Variants in EPB41 observed in about 807,000 individuals in gnomAD.
EPB41 encodes erythrocyte membrane protein band 4.1, also known as protein 4.1.
Under a neutral mutation model 108.0 loss-of-function variants are expected in EPB41, and 65 were observed. The ratio of observed to expected loss-of-function variants is 0.60; its 90% CI spans 0.49 to 0.74. The LOEUF (loss-of-function observed/expected upper bound fraction) is 0.74. EPB41 is among the 30% of genes least tolerant of loss of function. The probability of loss-of-function intolerance (pLI) is 0.00; values close to 1 mark genes in which losing one functional copy is unlikely to be tolerated. For missense variants in EPB41, 875 were observed against 1,037.0 expected (o/e 0.84, Z 2.15); for synonymous variants, 336 against 358.9 (o/e 0.94, Z 0.72).
intron 1 of EPB41, among the ~76,000 whole-genome samples, chr1:28,938,887 C>A (rs1023938733): frequency 3.9e-5 from 6 of 152,024 alleles, no homozygotes; most frequent in African/African-American, 1.4e-4. Context: ...GTGTGGATTC[C>A]TTAGAATTTT....
At chr1:29,003,434 T>A (rs775099587) in intron 4 of EPB41, among the ~76,000 whole-genome samples, 75 of 152,238 alleles carry the variant, frequency 4.9e-4, no homozygotes, top group Non-Finnish European at 6.8e-4. Flanking sequence ...CTTCTTTAGC[T>A]TTTTACTCCT....
At chr1:28,922,576 G>A (rs971000563) in intron 1 of EPB41, among the ~76,000 whole-genome samples, 1 of 151,398 alleles carries the variant, frequency 6.6e-6, no homozygotes, top group Non-Finnish European at 1.5e-5. Context: ...GGGACTACAG[G>A]TGCATGCCAC....
chr1:28,929,516 C>T (rs1472721743), intron 1 of EPB41, among the ~76,000 whole-genome samples: 1 of 151,430 alleles, frequency 6.6e-6, no homozygotes, highest in East Asian at 2.0e-4. Context: ...AGGCGTGAGC[C>T]ACTGCGCCCG....
intron 16 of EPB41, among the ~76,000 whole-genome samples, chr1:29,067,442 G>A (rs6680335): frequency 0.024 from 3,523 of 146,596 alleles, 128 homozygotes; most frequent in African/African-American, 0.086. Context: ...CTTGCAGTGA[G>A]CCGAGATCGC....
At position 29,117,685 on chromosome 1, in the gene EPB41, T is replaced by C. The variant is rs1278170101; in HGVS notation, c.*873T>C. On this transcript the variant is annotated 3_prime_UTR_variant, in exon 21 of 21. Coordinates refer to ENST00000343067, the MANE Select transcript of EPB41 (RefSeq NM_001376013.1). ...AGCTCTAATGGAACATTTTTAGTGGTGATTTGGGGAAGGAAAGTTAATGAG... is the reference window on the plus strand; with the variant it reads ...AGCTCTAATGGAACATTTTTAGTGGCGATTTGGGGAAGGAAAGTTAATGAG... The C allele has an allele frequency of 6.6e-6, 1 of 152,626 alleles. No homozygotes were observed. Among genetic ancestry groups the C allele is most frequent in the Admixed American group, 6.5e-5 (1 of 15,284 alleles). 9.5% of individuals were successfully genotyped at this position (152,626 alleles called of 1,614,324 possible). A position where few individuals can be genotyped will look rare whatever the true frequency, so the allele number is the denominator to read the frequency against.
intron 1 of EPB41, among the ~76,000 whole-genome samples, chr1:28,973,745 G>A (rs1225093030): frequency 6.6e-6 from 1 of 152,050 alleles, no homozygotes; most frequent in Non-Finnish European, 1.5e-5. Flanking sequence ...GCATTGGTAA[G>A]GACCTGAGAA....
intron 1 of EPB41, among the ~76,000 whole-genome samples, chr1:28,948,505 C>CAAAAA (rs34508731): frequency 2.5e-4 from 23 of 90,864 alleles, no homozygotes; most frequent in Non-Finnish European, 3.8e-4. Flanking sequence ...GACTCCGTAT[C>CAAAAA]AAAAAAAAAA....
At position 29,053,216 on chromosome 1, in the gene EPB41, G is replaced by C; in HGVS notation, c.1749G>C (p.Val583=). Residue 583 remains valine (V), a synonymous_variant, in exon 12 of 21, where the codon GTG becomes GTC. Transcript: ENST00000343067. ...TAGATGCCTCTGCTAAAAAAACAGT[G>C]GTCCCTAAAGCACAGAAGGAAACAG... ...GVLDASAKKT[V]VPKAQKETVK... is the part of the protein sequence containing the mutation. 1 of 1,614,128 alleles carries C rather than the reference G, an allele frequency of 6.2e-7. No homozygotes were observed. The highest frequency in any genetic ancestry group is 1.6e-4 in the Middle Eastern group (1 of 6,062).
At chr1:28,988,441 C>T (rs1479188314) in intron 2 of EPB41, among the ~76,000 whole-genome samples, 1 of 151,426 alleles carries the variant, frequency 6.6e-6, no homozygotes, top group African/African-American at 2.4e-5. Context: ...CCCACTGCAA[C>T]CTCCCCGTCC....
At position 29,020,454 on chromosome 1, in the gene EPB41, CAAAAT is replaced by C. The variant is rs530797861; in HGVS notation, c.1124+2015_1124+2019del. Among the ~76,000 whole-genome samples the C allele has an allele frequency of 4.3e-3, 652 of 151,944 alleles. 4 individuals are homozygous for C. The highest frequency in any genetic ancestry group is 0.015 in the African/African-American group (627 of 41,456). ...TAGAAAAGCAAGTACTGGAAAGAAA[CAAAAT>C]AATTTGATTAATTAGAATGTCAATA... is the stretch of plus-strand genomic sequence containing the variant. On this transcript the variant is annotated intron_variant, in intron 7 of 20. Coordinates refer to ENST00000343067, the MANE Select transcript of EPB41 (RefSeq NM_001376013.1).
chr1:29,046,112 T>A lies in EPB41; in HGVS notation c.1636+6686T>A, dbSNP rs559803015. Among the ~76,000 whole-genome samples, 388 of 151,352 alleles carry A rather than the reference T, an allele frequency of 2.6e-3. 2 individuals carry two copies. The highest frequency in any genetic ancestry group is 7.5e-3 in the African/African-American group (307 of 41,060). ...ATACTCAGTAATCTTACTAAAAAAA[T>A]TTTTTTTTAATTTAATTTTATTTTT... is the stretch of plus-strand genomic sequence containing the variant. On this transcript the variant is annotated intron_variant, in intron 11 of 20. Coordinates refer to ENST00000343067, the MANE Select transcript of EPB41 (RefSeq NM_001376013.1).
chr1:28,929,132 C>T (rs899829004), intron 1 of EPB41, among the ~76,000 whole-genome samples: 1 of 152,128 alleles, frequency 6.6e-6, no homozygotes, highest in Non-Finnish European at 1.5e-5. Flanking sequence ...TGAATGGGAA[C>T]TAATTATTAT....
intron 7 of EPB41, among the ~76,000 whole-genome samples, chr1:29,030,050 G>A (rs1042246043): frequency 3.9e-5 from 6 of 152,158 alleles, no homozygotes; most frequent in African/African-American, 1.4e-4. Context: ...AAATTAGCGG[G>A]AGGAGCTTAT....
At chr1:29,052,110 A>G (rs902150236) in intron 11 of EPB41, among the ~76,000 whole-genome samples, 3 of 152,236 alleles carry the variant, frequency 2.0e-5, no homozygotes, top group Admixed American at 2.0e-4. Flanking sequence ...TAAAACTTAG[A>G]TACCAAATAT....
chr1:29,057,463 A>C (rs1280756545), intron 12 of EPB41, among the ~76,000 whole-genome samples: 2 of 151,806 alleles, frequency 1.3e-5, no homozygotes, highest in African/African-American at 4.8e-5. Context: ...GGGTGTGCTT[A>C]ACTTAACACT....
At chr1:29,090,725 G>A (rs1213781702) in intron 16 of EPB41, among the ~76,000 whole-genome samples, 1 of 152,140 alleles carries the variant, frequency 6.6e-6, no homozygotes, top group Non-Finnish European at 1.5e-5. Flanking sequence ...ACTCCAACCT[G>A]GTCAACAAGA....
chr1:28,949,902 C>G (rs1445337517), intron 1 of EPB41, among the ~76,000 whole-genome samples: 2 of 152,036 alleles, frequency 1.3e-5, no homozygotes, highest in Non-Finnish European at 2.9e-5. Flanking sequence ...GTGCCTGGCC[C>G]CACTCTGTTA....
chr1:28,889,718 G>T, intron 1 of EPB41: 2 of 685,392 alleles, frequency 2.9e-6, no homozygotes, highest in South Asian at 1.3e-4. Flanking sequence ...GGGGTGGTGG[G>T]AGTGAGGAGG....
intron 1 of EPB41, among the ~76,000 whole-genome samples, chr1:28,915,589 A>G (rs972954906): frequency 3.3e-5 from 5 of 152,194 alleles, no homozygotes; most frequent in African/African-American, 1.2e-4. Context: ...TTCTGGCCAC[A>G]TGATAGCGAC....
Sources: allele counts gnomAD v4.1 joint callset (sites outside exome capture counted in the v4.1 genomes callset), GRCh38; gene constraint gnomAD v4.1.1; transcripts MANE v1.5; gene names NCBI Gene and HGNC (gene_info 2026-07-23, HGNC 2026-07-21).